Variants in HADHA observed in about 807,000 individuals in gnomAD.
HADHA encodes hydroxyacyl-CoA dehydrogenase trifunctional multienzyme complex subunit alpha.
Under a neutral mutation model 91.3 loss-of-function variants are expected in HADHA, and 59 were observed. The ratio of observed to expected loss-of-function variants is 0.65; its 90% CI spans 0.52 to 0.80. The LOEUF is 0.80. HADHA is among the 30% of genes least tolerant of loss of function. The pLI is 0.00. For missense variants in HADHA, 800 were observed against 927.6 expected (o/e 0.86, Z 1.79); for synonymous variants, 320 against 338.9 (o/e 0.94, Z 0.61).
rs1669464667 is a variant in HADHA at position 26,190,661 on chromosome 2, T to G, written c.*589A>C. 6.2e-6 allele frequency: 1 copy of G among 160,302 alleles called. No homozygotes were observed. The highest frequency in any genetic ancestry group is 1.4e-5 in the Non-Finnish European group (1 of 72,702). 9.9% of individuals were successfully genotyped at this position (160,302 alleles called of 1,614,324 possible). On this transcript the variant is annotated 3_prime_UTR_variant, in exon 20 of 20. Coordinates refer to ENST00000380649, the MANE Select transcript of HADHA (RefSeq NM_000182.5). ...CCAGGCTGGGGAAAGAGGTTTAATA[T>G]CCCGGTACACCGTGGTGAGAAGCCT...
chr2:26,212,737 CTA>C lies in HADHA; in HGVS notation c.919-113_919-112del, dbSNP rs1388953776. The C allele has an allele frequency of 1.8e-4, 142 of 787,940 alleles. No homozygotes were observed. In the Admixed American group the frequency reaches 2.5e-3, roughly 14 times the overall value. The allele number at this position is 787,940 out of a possible 1,614,324, so 48.8% of individuals were successfully genotyped here. On this transcript the variant is annotated intron_variant, in intron 9 of 19. Coordinates refer to ENST00000380649, the MANE Select transcript of HADHA (RefSeq NM_000182.5). Reference sequence around the variant, plus strand: ...AGTCCTCAAAGAGTAAGTCAAAAGTCTAGACTGGAATGAGAAAGAGAAGAGGA... The same window carrying C: ...AGTCCTCAAAGAGTAAGTCAAAAGTCGACTGGAATGAGAAAGAGAAGAGGA...
intron 7 of HADHA, among the ~76,000 whole-genome samples, chr2:26,227,266 C>T (rs1245273119): frequency 1.3e-5 from 2 of 152,132 alleles, no homozygotes. Context: ...AATCTCAGCA[C>T]TTTGGGAGGC....
rs934441571 is a variant in HADHA at position 26,214,833 on chromosome 2, T to G, written c.799+220A>C. Among the ~76,000 whole-genome samples, 2 of 152,212 alleles carry G rather than the reference T, an allele frequency of 1.3e-5. No individual in the cohort carries two copies. Among genetic ancestry groups the G allele is most frequent in the East Asian group, 3.9e-4 (2 of 5,194 alleles). On this transcript the variant is annotated intron_variant, in intron 8 of 19. Coordinates refer to ENST00000380649, the MANE Select transcript of HADHA (RefSeq NM_000182.5). This position sits in a 1 kb window ranked among gnomAD's most constrained non-coding sequence, Gnocchi z 4.1. ...TTAACATTTTCTAAAATGAAAAGTT[T>G]TCTATGACTCAAGGGTCATCATAAG...
At chr2:26,244,350 G>A (rs1574631550) in intron 1 of HADHA, among the ~76,000 whole-genome samples, 180 bp downstream of exon 1, 1 of 152,346 alleles carries the variant, frequency 6.6e-6, no homozygotes, top group South Asian at 2.1e-4. Context: ...GTCGTGAGAG[G>A]GGAAGTGACA....
At chr2:26,202,090 C>T (rs773047089) in intron 12 of HADHA, among the ~76,000 whole-genome samples, 3 of 152,032 alleles carry the variant, frequency 2.0e-5, no homozygotes, top group Non-Finnish European at 4.4e-5. Flanking sequence ...TGAGCCACCG[C>T]GCCCAGCCTG....
intron 1 of HADHA, 25 bp from the exon 2 acceptor site, chr2:26,239,168 T>C (rs377518122): frequency 2.7e-5 from 41 of 1,528,974 alleles, no homozygotes; most frequent in Non-Finnish European, 3.3e-5. Context: ...ATTTCAAAAT[T>C]AATTTGCGAA....
chr2:26,235,184 C>T (rs969063656), intron 4 of HADHA: 1 of 152,222 alleles, frequency 6.6e-6, no homozygotes, highest in African/African-American at 2.4e-5. Context: ...TGCTGCATTC[C>T]TGTAGTCCTG....
chr2:26,202,559 G>C (rs1338190464), intron 12 of HADHA, among the ~76,000 whole-genome samples: 1 of 152,162 alleles, frequency 6.6e-6, no homozygotes, highest in Non-Finnish European at 1.5e-5. Context: ...TAACCAACAT[G>C]GTGAAATCCC....
rs1295211529 is a variant in HADHA at position 26,191,647 on chromosome 2, G to A, written c.2001-19C>T. On this transcript the variant is annotated intron_variant, in intron 18 of 19. Transcript: ENST00000380649. ...TGATGAGCTGCCAACAGAAAGAGAT[G>A]TTTAGGTAGAAGAAGAGGAAAAGGG... is the stretch of plus-strand genomic sequence containing the variant. 5 of 1,613,500 alleles carry A rather than the reference G, an allele frequency of 3.1e-6. No individual in the cohort carries two copies. Among genetic ancestry groups the A allele is most frequent in the Non-Finnish European group, 4.2e-6 (5 of 1,179,482 alleles).
At position 26,201,131 on chromosome 2, in the gene HADHA, C is replaced by T. The variant is rs979491626; in HGVS notation, c.1392+18G>A. Reference sequence around the variant, plus strand: ...TGTTCACTACACTAGGATTCAAGTACAACAGCCCCTTGCTTACCGCTTCTA... The same window carrying T: ...TGTTCACTACACTAGGATTCAAGTATAACAGCCCCTTGCTTACCGCTTCTA... On this transcript the variant is annotated intron_variant, in intron 13 of 19. Transcript: ENST00000380649. 7 of 1,590,524 alleles carry T rather than the reference C, an allele frequency of 4.4e-6. No homozygotes were observed. The highest frequency in any genetic ancestry group is 3.3e-4 in the Middle Eastern group (2 of 6,042).
At chr2:26,200,527 G>A (rs1669801482) in intron 13 of HADHA, among the ~76,000 whole-genome samples, 1 of 152,092 alleles carries the variant, frequency 6.6e-6, no homozygotes, top group Admixed American at 6.5e-5. Flanking sequence ...GACCTGAAGA[G>A]GTTTGTTTTT....
At position 26,214,659 on chromosome 2, in the gene HADHA, A is replaced by G; in HGVS notation, c.800-98T>C. The G allele has an allele frequency of 4.0e-6, 3 of 754,518 alleles. No individual in the cohort carries two copies. Among genetic ancestry groups the G allele is most frequent in the South Asian group, 1.4e-5 (1 of 70,424 alleles). 46.7% of individuals were successfully genotyped at this position (754,518 alleles called of 1,614,324 possible). On this transcript the variant is annotated intron_variant, in intron 8 of 19. Transcript: ENST00000380649. This position sits in a 1 kb window ranked among gnomAD's most constrained non-coding sequence, Gnocchi z 4.1. ...CTATAAAAATGAAGTAATTCTAGCTATCTGCAAGAACTGCTCTTTATTCTG... is the reference window on the plus strand; with the variant it reads ...CTATAAAAATGAAGTAATTCTAGCTGTCTGCAAGAACTGCTCTTTATTCTG...
chr2:26,235,174 TG>T (rs1670717721), intron 4 of HADHA: 1 of 152,164 alleles, frequency 6.6e-6, no homozygotes, highest in Admixed American at 6.5e-5. Context: ...CTGGGCGTGG[TG>T]CTGCATTCCT....
At chr2:26,236,339 A>ACG (rs1670750466) in intron 4 of HADHA, among the ~76,000 whole-genome samples, 1 of 109,858 alleles carries the variant, frequency 9.1e-6, no homozygotes, top group Non-Finnish European at 1.9e-5. Flanking sequence ...AGATCACATG[A>ACG]TGTGTGTGTG....
At position 26,230,241 on chromosome 2, in the gene HADHA, T is replaced by C; in HGVS notation, c.627A>G (p.Ala209=). ...CCAGTCCCATTTTCTTTGCCCTGTC[T>C]GCACGAATGCTTCTACCAGTCAGCA... ...DMMLTGRSIR[A]DRAKKMGLVD... is the part of the protein sequence containing the mutation. Residue 209 remains alanine (A), a synonymous_variant, in exon 7 of 20, where the codon GCA becomes GCG. Coordinates refer to ENST00000380649, the MANE Select transcript of HADHA (RefSeq NM_000182.5). 2 of 1,613,920 alleles carry C rather than the reference T, an allele frequency of 1.2e-6. No individual in the cohort carries two copies. Among genetic ancestry groups the C allele is most frequent in the Non-Finnish European group, 8.5e-7 (1 of 1,179,808 alleles).
chr2:26,216,011 G>A (rs1476589743), intron 7 of HADHA, among the ~76,000 whole-genome samples: 1 of 152,252 alleles, frequency 6.6e-6, no homozygotes, highest in Non-Finnish European at 1.5e-5. Context: ...AACAAGTACA[G>A]TGGTTCATGC....
rs1216255132 is a variant in HADHA, at chr2:26,215,130, T to C, written c.722A>G (p.Glu241Gly). The change falls in exon 8 of 20, where the codon GAA becomes GGA. Residue 241 changes from glutamate to glycine, a missense_variant. Coordinates refer to ENST00000380649, the MANE Select transcript of HADHA (RefSeq NM_000182.5). ...PPEERTIEYL[E>G]EVAITFAKGL... ...TTTGGCAAAAGTAATTGCAACTTCTTCTAGGTATTCTATTGTCCGTTCCTC... is the reference window on the plus strand; with the variant it reads ...TTTGGCAAAAGTAATTGCAACTTCTCCTAGGTATTCTATTGTCCGTTCCTC... 1 of 1,608,284 alleles carries C rather than the reference T, an allele frequency of 6.2e-7. No homozygotes were observed. The highest frequency in any genetic ancestry group is 2.2e-5 in the East Asian group (1 of 44,878).
chr2:26,224,031 G>C (rs561750510), intron 7 of HADHA, among the ~76,000 whole-genome samples: 8 of 152,226 alleles, frequency 5.3e-5, no homozygotes, highest in Non-Finnish European at 8.8e-5. Flanking sequence ...ACAGGCATGA[G>C]CCACTGCACC....
At chr2:26,225,056 A>T (rs1670455128) in intron 7 of HADHA, among the ~76,000 whole-genome samples, 1 of 152,228 alleles carries the variant, frequency 6.6e-6, no homozygotes, top group Admixed American at 6.5e-5. Context: ...GGAGAACCTG[A>T]ATAGCCCTAT....
Sources: allele counts gnomAD v4.1 joint callset (sites outside exome capture counted in the v4.1 genomes callset), GRCh38; gene constraint gnomAD v4.1.1; non-coding constraint Gnocchi (gnomAD v3.1); transcripts MANE v1.5; gene names NCBI Gene and HGNC (gene_info 2026-07-23, HGNC 2026-07-21).